The following RIMS1 variants were observed in gnomAD, a reference collection of about 807,000 sequenced individuals.
RIMS1 encodes the protein regulating synaptic membrane exocytosis 1.
RIMS1 carries 83 observed loss-of-function variants against 214.1 expected under a neutral mutation model. The observed-to-expected ratio is 0.39, with a 90% CI of 0.32 to 0.47. The LOEUF is 0.47. Ranked by LOEUF, RIMS1 falls within the 20% of genes least tolerant of loss-of-function variation. RIMS1 has a pLI of 0.99. For synonymous variants in RIMS1, 793 were observed against 786.8 expected, an observed-to-expected ratio of 1.01 and a Z score of -0.13; for missense variants, 2,050 against 2,161.8, an observed-to-expected ratio of 0.95 and a Z score of 1.03.
chr6:72,348,445 T>C (rs2097340213), intron 29 of RIMS1, among the ~76,000 whole-genome samples: 1 of 151,894 alleles, frequency 6.6e-6, no homozygotes, highest in Non-Finnish European at 1.5e-5. Flanking sequence ...TTCCTTTCTT[T>C]CTCTTCTTTG....
chr6:72,012,248 C>CA (rs1562109392), intron 2 of RIMS1, among the ~76,000 whole-genome samples: 6 of 151,998 alleles, frequency 3.9e-5, no homozygotes, highest in Admixed American at 1.3e-4. Flanking sequence ...CCAAACACCG[C>CA]ATGTTGTCAC....
At chr6:72,119,295 T>C (rs948347846) in intron 4 of RIMS1, among the ~76,000 whole-genome samples, 6 of 151,688 alleles carry the variant, frequency 4.0e-5, no homozygotes, top group African/African-American at 1.5e-4. Flanking sequence ...TGCAAAATGC[T>C]GCCAAAAAAA....
chr6:72,084,656 C>A (rs1384839956), intron 2 of RIMS1, among the ~76,000 whole-genome samples: 1 of 152,134 alleles, frequency 6.6e-6, no homozygotes, highest in East Asian at 1.9e-4. Flanking sequence ...TCCATGTCCT[C>A]AGATGTCTTC....
chr6:72,104,986 A>T (rs1378468119), intron 4 of RIMS1, among the ~76,000 whole-genome samples: 1 of 152,140 alleles, frequency 6.6e-6, no homozygotes, highest in Non-Finnish European at 1.5e-5. Context: ...ACTGGAGTGC[A>T]GTGGTGCAAT....
chr6:72,197,355 G>C (rs563379079), intron 6 of RIMS1, among the ~76,000 whole-genome samples: 1 of 152,064 alleles, frequency 6.6e-6, no homozygotes, highest in Non-Finnish European at 1.5e-5. Flanking sequence ...GATAAACCAA[G>C]ACACATTGAC....
intron 2 of RIMS1, among the ~76,000 whole-genome samples, chr6:71,998,053 C>T (rs1804013199): frequency 6.6e-6 from 1 of 152,100 alleles, no homozygotes. Flanking sequence ...TTAATGATTA[C>T]TGGCAAAGAT....
At chr6:71,994,891 C>T (rs1312718721) in intron 2 of RIMS1, among the ~76,000 whole-genome samples, 1 of 152,210 alleles carries the variant, frequency 6.6e-6, no homozygotes, top group African/African-American at 2.4e-5. Context: ...CTGCCCAGAA[C>T]ACAAAGGCCT....
chr6:72,152,952 G>C (rs2043897465), intron 4 of RIMS1, among the ~76,000 whole-genome samples: 1 of 140,958 alleles, frequency 7.1e-6, no homozygotes, highest in Non-Finnish European at 1.5e-5. Context: ...GTATATATAT[G>C]TATATATATG....
At chr6:72,121,627 A>G (rs1296640092) in intron 4 of RIMS1, among the ~76,000 whole-genome samples, 2 of 151,740 alleles carry the variant, frequency 1.3e-5, no homozygotes, top group Non-Finnish European at 2.9e-5. Context: ...CTCTTTTCCT[A>G]ATTGAATACC....
At chr6:72,330,921 C>A (rs897029370) in intron 28 of RIMS1, among the ~76,000 whole-genome samples, 3 of 151,440 alleles carry the variant, frequency 2.0e-5, no homozygotes, top group African/African-American at 7.3e-5. Flanking sequence ...TAAAAGAATG[C>A]TTTTAAGCAT....
intron 6 of RIMS1, among the ~76,000 whole-genome samples, chr6:72,224,885 A>G (rs2059713160): frequency 6.6e-6 from 1 of 152,198 alleles, no homozygotes; most frequent in Non-Finnish European, 1.5e-5. Flanking sequence ...ATGTTTTGCA[A>G]CCTGATTTCC....
intron 4 of RIMS1, among the ~76,000 whole-genome samples, chr6:72,134,973 T>G (rs2041044633): frequency 6.6e-6 from 1 of 152,046 alleles, no homozygotes. Context: ...ACATTCAGTT[T>G]GAGTACATTT....
At chr6:71,977,412 T>C (rs1160039239) in intron 2 of RIMS1, among the ~76,000 whole-genome samples, 2 of 152,146 alleles carry the variant, frequency 1.3e-5, no homozygotes, top group Non-Finnish European at 2.9e-5. Flanking sequence ...AATATTTAGT[T>C]TGTACTGTGT....
Position 72,188,810 on chromosome 6 carries a change from G to T in RIMS1, c.1678+5661G>T, listed in dbSNP as rs193094169. On this transcript the variant is annotated intron_variant, in intron 6 of 33. Transcript: ENST00000521978. ...GGTAATACTAAGAGACGCCCTAAGG[G>T]ATCTCCTGTATTCCATGCATACTTT... Among the ~76,000 whole-genome samples the T allele has an allele frequency of 2.2e-3, 335 of 152,312 alleles. 1 individual carries two copies. Among genetic ancestry groups the T allele is most frequent in the Middle Eastern group, 0.021 (6 of 292 alleles).
intron 2 of RIMS1, among the ~76,000 whole-genome samples, chr6:72,025,801 G>A (rs181585460): frequency 7.9e-5 from 12 of 152,322 alleles, no homozygotes; most frequent in Admixed American, 7.2e-4. Flanking sequence ...TCTTTCATGA[G>A]GTTACAGTCA....
At chr6:71,905,725 T>C (rs1775063907) in intron 1 of RIMS1, among the ~76,000 whole-genome samples, 1 of 152,178 alleles carries the variant, frequency 6.6e-6, no homozygotes, top group African/African-American at 2.4e-5. Context: ...GTTTCCACAC[T>C]GTGTCTGGTG....
chr6:72,068,727 C>T (rs1343307673), intron 2 of RIMS1, among the ~76,000 whole-genome samples: 1 of 151,740 alleles, frequency 6.6e-6, no homozygotes, highest in Admixed American at 6.6e-5. Context: ...ATCGAGACCA[C>T]GGTGAAACCC....
intron 10 of RIMS1, 62 bp from the exon 11 acceptor site, chr6:72,245,753 A>G (rs1278381627): frequency 5.4e-6 from 7 of 1,291,974 alleles, no homozygotes; most frequent in South Asian, 1.2e-5. Context: ...ATAATGGGCT[A>G]TGATTGCCTC....
At chr6:72,132,746 C>T (rs557983335) in intron 4 of RIMS1, among the ~76,000 whole-genome samples, 8 of 152,166 alleles carry the variant, frequency 5.3e-5, no homozygotes, top group East Asian at 1.9e-4. Context: ...TTCTTGGGCC[C>T]GCCCCAAACA....
Sources: gnomAD v4.1 joint callset for allele counts (sites outside exome capture counted in the v4.1 genomes callset) on GRCh38, gnomAD v4.1.1 for gene constraint, MANE v1.5 for transcripts, NCBI Gene and HGNC (gene_info 2026-07-23, HGNC 2026-07-21) for gene names.